FAT3: variants seen among roughly 807,000 people sequenced by gnomAD.
FAT3 encodes protocadherin Fat 3.
Under a neutral mutation model 310.2 loss-of-function variants are expected in FAT3, and 95 were observed. The ratio of observed to expected loss-of-function variants is 0.31; its 90% CI spans 0.26 to 0.36. FAT3 has a LOEUF of 0.36. Ranked by LOEUF, FAT3 falls within the 10% of genes least tolerant of loss-of-function variation. The pLI, the probability that FAT3 is intolerant of heterozygous loss-of-function variation, is 1.00. For missense variants in FAT3, 5,408 were observed against 5,715.6 expected (o/e 0.95, Z 1.74); for synonymous variants, 2,314 against 2,192.9 (o/e 1.06, Z -1.54).
At chr11:92,809,202 C>A (rs894695800) in intron 12 of FAT3, among the ~76,000 whole-genome samples, 2 of 152,138 alleles carry the variant, frequency 1.3e-5, no homozygotes, top group Non-Finnish European at 2.9e-5. Context: ...TAAGGAACTG[C>A]TTTTCCATGC....
chr11:92,639,485 T>TCTCTCTCA (rs1187340679), intron 3 of FAT3, among the ~76,000 whole-genome samples: 13 of 152,120 alleles, frequency 8.5e-5, no homozygotes, highest in Non-Finnish European at 1.3e-4. Context: ...TCTCTTTCTC[T>TCTCTCTCA]CTCTCTCAAT....
At chr11:92,488,946 G>C (rs1044993061) in intron 2 of FAT3, among the ~76,000 whole-genome samples, 16 of 152,174 alleles carry the variant, frequency 1.1e-4, no homozygotes, top group African/African-American at 3.9e-4. Flanking sequence ...CATAAAACTA[G>C]GAAAGTTAAT....
chr11:92,581,584 T>G (rs530413609), intron 3 of FAT3, among the ~76,000 whole-genome samples: 81 of 152,194 alleles, frequency 5.3e-4, no homozygotes, highest in African/African-American at 1.9e-3. Flanking sequence ...TGGCCTTGAC[T>G]CATTGTTATC....
At chr11:92,631,336 G>A (rs1941549886) in intron 3 of FAT3, among the ~76,000 whole-genome samples, 1 of 152,132 alleles carries the variant, frequency 6.6e-6, no homozygotes, top group Non-Finnish European at 1.5e-5. Context: ...TTGTCTTTTG[G>A]ATCTTTCAGA....
intron 2 of FAT3, among the ~76,000 whole-genome samples, chr11:92,453,112 C>T (rs1328009059): frequency 1.3e-5 from 2 of 152,014 alleles, no homozygotes; most frequent in African/African-American, 4.8e-5. Context: ...CACCCAACAC[C>T]ATTCATATCT....
intron 1 of FAT3, among the ~76,000 whole-genome samples, chr11:92,326,887 A>G (rs1305956994): frequency 1.3e-5 from 2 of 152,174 alleles, no homozygotes; most frequent in East Asian, 1.9e-4. Flanking sequence ...ATTCTTTAAT[A>G]ATTCTGGGAA....
In FAT3 at chr11:92,569,908, G is replaced by T. The variant is rs557199531; in HGVS notation, c.3607+44960G>T. Among the ~76,000 whole-genome samples the T allele has an allele frequency of 4.3e-4, 66 of 152,232 alleles. 1 individual carries two copies. The South Asian group carries it at 0.013, about 30-fold the overall frequency. On this transcript the variant is annotated intron_variant, in intron 3 of 27. Coordinates refer to ENST00000525166, the MANE Select transcript of FAT3 (RefSeq NM_001367949.2). ...AACAGCTCATGCTCTCTGGAGCTATGACTTTGAGCACTTCATCTCACCACA... is the reference window on the plus strand; with the variant it reads ...AACAGCTCATGCTCTCTGGAGCTATTACTTTGAGCACTTCATCTCACCACA...
chr11:92,403,597 T>C (rs1950071571), intron 2 of FAT3, among the ~76,000 whole-genome samples: 1 of 152,268 alleles, frequency 6.6e-6, no homozygotes. Context: ...GTGGTTGCTA[T>C]TTACAGAGGT....
At chr11:92,249,156 G>A (rs1036583444) in intron 1 of FAT3, among the ~76,000 whole-genome samples, 24 of 152,034 alleles carry the variant, frequency 1.6e-4, no homozygotes, top group African/African-American at 4.3e-4. Flanking sequence ...AAGTACCTGC[G>A]TTTTGTTCAT....
chr11:92,661,283 C>T (rs962960521), intron 3 of FAT3, among the ~76,000 whole-genome samples: 2 of 152,276 alleles, frequency 1.3e-5, no homozygotes, highest in South Asian at 2.1e-4. Flanking sequence ...CAAGGATACA[C>T]AGAAATATTC....
chr11:92,814,359 C>A (rs1281716071), intron 13 of FAT3, among the ~76,000 whole-genome samples: 1 of 151,170 alleles, frequency 6.6e-6, no homozygotes, highest in Non-Finnish European at 1.5e-5. Flanking sequence ...CCAAACAACT[C>A]TTTTTCTATG....
rs1947275914 is a variant in FAT3, at chr11:92,799,615, T to C, written c.6602T>C (p.Met2201Thr). 5 of 1,613,694 alleles carry C rather than the reference T, an allele frequency of 3.1e-6. No homozygotes were observed. The highest frequency in any genetic ancestry group is 4.2e-6 in the Non-Finnish European group (5 of 1,179,836). ...GCATCTGTCAATGAAGACATCAGAATGAACACACCCATCCTAAGCATCAAT... is the reference window on the plus strand; with the variant it reads ...GCATCTGTCAATGAAGACATCAGAACGAACACACCCATCCTAAGCATCAAT... ...YTASVNEDIR[M>T]NTPILSINAT... The change falls in exon 10 of 28, where the codon ATG (methionine) becomes ACG (threonine). Residue 2201 changes from methionine (M) to threonine (T), a missense_variant. By Grantham distance (81) the Met-to-Thr change is moderately conservative (BLOSUM62 -1). Transcript: ENST00000525166.
At chr11:92,738,881 T>C (rs1945425797) in intron 4 of FAT3, among the ~76,000 whole-genome samples, 1 of 152,142 alleles carries the variant, frequency 6.6e-6, no homozygotes, top group South Asian at 2.1e-4. Context: ...AGTCAAGTCG[T>C]TGGGAAAATC....
At chr11:92,696,990 G>A (rs1051107144) in intron 3 of FAT3, among the ~76,000 whole-genome samples, 2 of 152,180 alleles carry the variant, frequency 1.3e-5, no homozygotes, top group Admixed American at 1.3e-4. Flanking sequence ...CTGTTTCATA[G>A]TCTGAATCTA....
chr11:92,322,457 C>G (rs1308669864), intron 1 of FAT3, among the ~76,000 whole-genome samples: 1 of 152,140 alleles, frequency 6.6e-6, no homozygotes, highest in African/African-American at 2.4e-5. Context: ...AGGCAGTTTC[C>G]TAAAATAGGA....
At chr11:92,312,750 CTAGATCCATACA>C (rs1565218891) in intron 1 of FAT3, among the ~76,000 whole-genome samples, 1 of 152,092 alleles carries the variant, frequency 6.6e-6, no homozygotes, top group Non-Finnish European at 1.5e-5. Context: ...CTTGAAGCAC[CTAGATCCATACA>C]TGTCGGATGC....
chr11:92,799,921 G>C lies in FAT3; in HGVS notation c.6908G>C (p.Gly2303Ala). The C allele has an allele frequency of 6.2e-7, 1 of 1,612,434 alleles. No homozygotes were observed. Among genetic ancestry groups the C allele is most frequent in the East Asian group, 2.2e-5 (1 of 44,814 alleles). The change falls in exon 10 of 28, where the codon GGG (glycine) becomes GCG (alanine). Residue 2303 changes from glycine (G) to alanine (A), a missense_variant. Gly to Ala is a moderately conservative substitution (Grantham distance 60). Around this residue, in one of 5 missense-constraint regions of FAT3, gnomAD observed 4,588 missense variants for 4,809.8 expected, o/e 0.95. Coordinates refer to ENST00000525166, the MANE Select transcript of FAT3 (RefSeq NM_001367949.2). The stretch of plus-strand genomic sequence containing the variant: ...ACACTATCAGAAGCATCTCTTATTG[G>C]GACACCTGTTTTACAAGTTGTCTCT... ...NTTLSEASLIGTPVLQVVSID... is the reference protein window; with the variant it reads ...NTTLSEASLIATPVLQVVSID...
At chr11:92,795,209 G>C (rs546489147) in intron 9 of FAT3, among the ~76,000 whole-genome samples, 7 of 152,222 alleles carry the variant, frequency 4.6e-5, no homozygotes, top group African/African-American at 1.7e-4. Flanking sequence ...CTGGGACTGA[G>C]TTGAGTTCGG....
At chr11:92,293,914 C>T (rs539716080) in intron 1 of FAT3, among the ~76,000 whole-genome samples, 3 of 152,140 alleles carry the variant, frequency 2.0e-5, no homozygotes, top group South Asian at 4.1e-4. Flanking sequence ...AAGCCACTTG[C>T]GTGCAAGTAC....
Sources: allele counts gnomAD v4.1 joint callset (sites outside exome capture counted in the v4.1 genomes callset), GRCh38; gene constraint gnomAD v4.1.1; regional missense constraint gnomAD v4.1.1; transcripts MANE v1.5; gene names NCBI Gene and HGNC (gene_info 2026-07-23, HGNC 2026-07-21).